Variants in PPIL2 observed in about 807,000 individuals in gnomAD.
The protein encoded by PPIL2 is RING-type E3 ubiquitin-protein ligase PPIL2.
A neutral mutation model predicts 75.2 loss-of-function variants in PPIL2; 50 were observed. The ratio of observed to expected loss-of-function variants is 0.66; its 90% CI spans 0.53 to 0.84. The LOEUF (loss-of-function observed/expected upper bound fraction) is 0.84. Ranked by LOEUF, PPIL2 falls within the 40% of genes least tolerant of loss-of-function variation. The pLI, the probability that PPIL2 is intolerant of heterozygous loss-of-function variation, is 0.00. For synonymous variants in PPIL2, 245 were observed against 258.8 expected (o/e 0.95, Z 0.51); for missense variants, 590 against 685.0 (o/e 0.86, Z 1.55).
rs58732342 is a variant in PPIL2 at position 21,672,665 on chromosome 22, A to G, written c.243+284A>G. On this transcript the variant is annotated intron_variant, in intron 5 of 19. Transcript: ENST00000398831. ...AGACCCTATATAAACCTTTGATTAT[A>G]TCCAAGTCAGGCCACATTCACAGGT... Among the ~76,000 whole-genome samples the G allele has an allele frequency of 8.0e-3, 1,225 of 152,324 alleles. 23 individuals carry two copies. The highest frequency in any genetic ancestry group is 0.028 in the African/African-American group (1,172 of 41,570).
chr22:21,678,084 G>T (rs1168098231), intron 6 of PPIL2, among the ~76,000 whole-genome samples: 1 of 152,184 alleles, frequency 6.6e-6, no homozygotes, highest in African/African-American at 2.4e-5. Flanking sequence ...GAGGTCAGGG[G>T]TGGGGATGGT....
chr22:21,688,588 G>A (rs775306098), intron 14 of PPIL2, 144 bp from the exon 15 acceptor site: 7 of 753,528 alleles, frequency 9.3e-6, no homozygotes, highest in African/African-American at 1.8e-5. Flanking sequence ...AGTTGGTGGC[G>A]TGGGGCTGGG....
intron 10 of PPIL2, among the ~76,000 whole-genome samples, chr22:21,685,983 A>G (rs1208757468): frequency 6.6e-6 from 1 of 151,118 alleles, no homozygotes; most frequent in Non-Finnish European, 1.5e-5. Flanking sequence ...TAGGTTAGAC[A>G]ACATAGTGAG....
At chr22:21,672,304 T>A in intron 4 of PPIL2, 26 bp from the exon 5 acceptor site, 2 of 1,601,356 alleles carry the variant, frequency 1.2e-6, no homozygotes, top group Non-Finnish European at 1.7e-6. Flanking sequence ...ACCCTGGTGA[T>A]GCTTTCTGTT....
At chr22:21,682,551 C>T (rs1020500004) in intron 8 of PPIL2, 25 bp downstream of exon 8, 13 of 1,597,370 alleles carry the variant, frequency 8.1e-6, no homozygotes, top group African/African-American at 1.3e-5. Context: ...CCTGCCTGCC[C>T]CAGCTGCCTT....
intron 7 of PPIL2, 144 bp downstream of exon 7, chr22:21,681,534 C>T (rs919173457): frequency 2.7e-6 from 2 of 730,958 alleles, no homozygotes; most frequent in South Asian, 3.5e-5. Flanking sequence ...GGTCATCTAG[C>T]AAAGCTCTGG....
downstream of PPIL2, chr22:21,699,121 G>A (rs550168180): frequency 3.9e-5 from 6 of 152,566 alleles, no homozygotes; most frequent in African/African-American, 1.2e-4. Context: ...CAGTGAGCTC[G>A]AGTGGGCACA....
intron 5 of PPIL2, 82 bp from the exon 6 acceptor site, chr22:21,674,982 T>C: frequency 2.3e-6 from 3 of 1,318,602 alleles, no homozygotes; most frequent in South Asian, 2.5e-5. Context: ...TCAGAGACTT[T>C]TCCTGCCTGT....
intron 5 of PPIL2, among the ~76,000 whole-genome samples, chr22:21,674,376 A>C (rs1316075505): frequency 2.0e-5 from 3 of 152,240 alleles, no homozygotes; most frequent in Non-Finnish European, 4.4e-5. Context: ...GAAATAAGAA[A>C]AAAGAAAAAA....
chr22:21,686,546 A>G lies in PPIL2; in HGVS notation c.778A>G (p.Thr260Ala), dbSNP rs1367620623. 1 of 1,614,122 alleles carries G rather than the reference A, an allele frequency of 6.2e-7. No homozygotes were observed. The highest frequency in any genetic ancestry group is 1.1e-5 in the South Asian group (1 of 91,090). ...FTSTAMVPET[T>A]HEAAAIDEDV... ...CTCCACCGCGATGGTCCCGGAGACC[A>G]CACATGAAGCAGGTAGCCACCTTGG... Residue 260 changes from threonine to alanine, a missense_variant, in exon 11 of 20, where the codon ACA (threonine) becomes GCA (alanine). Coordinates refer to ENST00000398831, the MANE Select transcript of PPIL2 (RefSeq NM_014337.4).
chr22:21,669,397 C>A (rs764819655), intron 1 of PPIL2: 12 of 451,260 alleles, frequency 2.7e-5, no homozygotes, highest in Non-Finnish European at 4.9e-5. Flanking sequence ...AATCTTCCTG[C>A]CTTGGCCTCC....
intron 11 of PPIL2, 32 bp from the exon 12 acceptor site, chr22:21,686,860 G>T: frequency 1.3e-6 from 2 of 1,599,548 alleles, no homozygotes; most frequent in South Asian, 1.1e-5. Flanking sequence ...CCAGGGTGAG[G>T]GCAGGGGCTG....
rs925663953 is a variant in PPIL2, at chr22:21,682,572, A to G, written c.477+46A>G. On this transcript the variant is annotated intron_variant, in intron 8 of 19. Transcript: ENST00000398831. ...TGCCCCAGCTGCCTTCAGCACCTGC[A>G]GCCAGCCCAGGCCTCTACAGGGCCC... The G allele has an allele frequency of 4.8e-6, 7 of 1,458,424 alleles. No individual in the cohort carries two copies. The African/African-American group carries it at 1.2e-4, about 25-fold the overall frequency. 90.3% of individuals were successfully genotyped at this position (1,458,424 alleles called of 1,614,324 possible).
rs2067435345 is a variant in PPIL2, at chr22:21,687,745, A to G, written c.987+13A>G. On this transcript the variant is annotated intron_variant, in intron 13 of 19. Coordinates refer to ENST00000398831, the MANE Select transcript of PPIL2 (RefSeq NM_014337.4). ...CCGGAACTTTGTGGTGAGTGACGAGAGTCACTGGCTGCACAGATGAGCTTG... is the reference window on the plus strand; with the variant it reads ...CCGGAACTTTGTGGTGAGTGACGAGGGTCACTGGCTGCACAGATGAGCTTG... The G allele has an allele frequency of 6.2e-7, 1 of 1,602,414 alleles. No individual in the cohort carries two copies. The highest frequency in any genetic ancestry group is 1.1e-5 in the South Asian group (1 of 90,808).
At chr22:21,686,613 G>A (rs1298563408) in intron 11 of PPIL2, 55 bp downstream of exon 11, 4 of 1,551,688 alleles carry the variant, frequency 2.6e-6, no homozygotes, top group African/African-American at 2.7e-5. Flanking sequence ...GTGGCAGGGG[G>A]TGGGTGTGCT....
rs1303838586 is a variant in PPIL2 at position 21,682,457 on chromosome 22, C to G, written c.408C>G (p.Ile136Met). The G allele has an allele frequency of 6.2e-7, 1 of 1,614,020 alleles. No individual in the cohort carries two copies. Among genetic ancestry groups the G allele is most frequent in the Non-Finnish European group, 8.5e-7 (1 of 1,179,958 alleles). The change falls in exon 8 of 20, where the codon ATC becomes ATG. Residue 136 changes from isoleucine (I) to methionine (M), a missense_variant. Coordinates refer to ENST00000398831, the MANE Select transcript of PPIL2 (RefSeq NM_014337.4). ...YAYEAVEQLN[I>M]KAKNFRDLLT... The stretch of plus-strand genomic sequence containing the variant: ...TATAGGCAGTGGAACAGCTAAATAT[C>G]AAGGCCAAGAACTTCCGGGACCTGC...
intron 14 of PPIL2, 98 bp downstream of exon 14, chr22:21,688,204 A>G: frequency 1.4e-6 from 2 of 1,478,390 alleles, no homozygotes; most frequent in Non-Finnish European, 1.9e-6. Flanking sequence ...CAGACATGGA[A>G]TCTGCTAGAC....
intron 6 of PPIL2, among the ~76,000 whole-genome samples, chr22:21,676,622 T>C (rs2066874468): frequency 1.3e-5 from 2 of 151,918 alleles, no homozygotes; most frequent in African/African-American, 4.8e-5. Flanking sequence ...GCACCGCCCT[T>C]AATCCATTTA....
intron 6 of PPIL2, among the ~76,000 whole-genome samples, chr22:21,676,309 T>TATTTTGTGTGTGTGTGTG (rs1555894902): frequency 1.6e-5 from 2 of 123,018 alleles, no homozygotes; most frequent in Non-Finnish European, 3.3e-5. Context: ...TTTATTTATT[T>TATTTTGTGTGTGTGTGTG]TGTGTGTGTG....
Sources: allele counts gnomAD v4.1 joint callset (sites outside exome capture counted in the v4.1 genomes callset), GRCh38; gene constraint gnomAD v4.1.1; transcripts MANE v1.5; gene names NCBI Gene and HGNC (gene_info 2026-07-23, HGNC 2026-07-21).